AMTN: variants seen among roughly 807,000 people sequenced by gnomAD.
AMTN encodes the protein amelotin, also known as RSTI689.
AMTN carries 29 observed loss-of-function variants against 27.4 expected under a neutral mutation model. The observed-to-expected ratio is 1.06, with a 90% CI of 0.79 to 1.44. The LOEUF (loss-of-function observed/expected upper bound fraction) is 1.44, where lower values mean the gene tolerates loss of function less well. Among genes scored for constraint, AMTN ranks in the 40% most tolerant of loss-of-function variants. AMTN has a pLI of 0.00. For synonymous variants in AMTN, 86 were observed against 95.7 expected, an observed-to-expected ratio of 0.90 and a Z score of 0.59; for missense variants, 247 against 248.8, an observed-to-expected ratio of 0.99 and a Z score of 0.05.
At chr4:70,525,150 G>A (rs1264436588) in intron 5 of AMTN, among the ~76,000 whole-genome samples, 189 bp downstream of exon 5, 1 of 152,140 alleles carries the variant, frequency 6.6e-6, no homozygotes, top group African/African-American at 2.4e-5. Context: ...CATACCCAGA[G>A]AACTGACCAT....
chr4:70,518,726 A>T, intron 1 of AMTN, 37 bp from the exon 2 acceptor site: 1 of 1,396,142 alleles, frequency 7.2e-7, no homozygotes, highest in Non-Finnish European at 1.0e-6. Context: ...AAAGGAAAAA[A>T]AATACATGGA....
chr4:70,529,126 A>G (rs1736159893), intron 6 of AMTN, 58 bp from the exon 7 acceptor site: 2 of 1,383,096 alleles, frequency 1.4e-6, no homozygotes, highest in Non-Finnish European at 2.0e-6. Context: ...TTATACATAT[A>G]TTACTACAAA....
At chr4:70,524,002 G>T (rs1157706263) in intron 4 of AMTN, 69 bp downstream of exon 4, 3 of 1,338,508 alleles carry the variant, frequency 2.2e-6, no homozygotes, top group Non-Finnish European at 3.2e-6. Context: ...TTACAGTGGG[G>T]GGAGCATGTA....
Position 70,524,969 on chromosome 4 carries a change from G to A in AMTN, c.294+8G>A. The A allele has an allele frequency of 1.2e-6, 2 of 1,611,986 alleles. No individual in the cohort carries two copies. Among genetic ancestry groups the A allele is most frequent in the Non-Finnish European group, 1.7e-6 (2 of 1,178,246 alleles). On this transcript the variant is annotated splice_region_variant and intron_variant, in intron 5 of 8. Coordinates refer to ENST00000339336, the MANE Select transcript of AMTN (RefSeq NM_212557.4). The stretch of plus-strand genomic sequence containing the variant: ...CAGCAACTGCACCCACATGTAAGTT[G>A]AACAGCTGGACCTTAGTTTTAACAT...
chr4:70,524,900 G>C lies in AMTN; in HGVS notation c.233G>C (p.Gly78Ala). 6.2e-7 allele frequency: 1 copy of C among 1,613,948 alleles called. No individual in the cohort carries two copies. The highest frequency in any genetic ancestry group is 8.5e-7 in the Non-Finnish European group (1 of 1,179,950). Reference protein sequence around the residue: ...LLNPAAGMTPGTQTHPLTLGG... With the variant: ...LLNPAAGMTPATQTHPLTLGG... Reference sequence around the variant, plus strand: ...AATCCTGCTGCAGGAATGACACCTGGTACCCAGACCCACCCATTGACCCTG... The same window carrying C: ...AATCCTGCTGCAGGAATGACACCTGCTACCCAGACCCACCCATTGACCCTG... The change falls in exon 5 of 9, where the codon GGT becomes GCT. Residue 78 changes from glycine to alanine, a missense_variant. Transcript: ENST00000339336.
chr4:70,524,748 C>T (rs1027983072), intron 4 of AMTN, 124 bp from the exon 5 acceptor site: 17 of 848,124 alleles, frequency 2.0e-5, no homozygotes, highest in Non-Finnish European at 3.1e-5. Flanking sequence ...TGCAATAGAA[C>T]ACTATGTATT....
intron 2 of AMTN, among the ~76,000 whole-genome samples, chr4:70,519,728 C>G (rs1482768485): frequency 6.7e-6 from 1 of 149,932 alleles, no homozygotes; most frequent in Non-Finnish European, 1.5e-5. Flanking sequence ...TTTATTTTTA[C>G]CAATGTCACT....
chr4:70,530,889 G>A (rs1179428963), intron 7 of AMTN, 150 bp from the exon 8 acceptor site: 18 of 1,033,874 alleles, frequency 1.7e-5, no homozygotes, highest in Middle Eastern at 2.9e-4. Context: ...GACCAAGGGT[G>A]TATTTCCCCT....
At chr4:70,529,503 C>G (rs557104311) in intron 7 of AMTN, among the ~76,000 whole-genome samples, 1 of 152,216 alleles carries the variant, frequency 6.6e-6, no homozygotes, top group South Asian at 2.1e-4. Context: ...GGATTTCAGT[C>G]TAGGATTATA....
intron 7 of AMTN, among the ~76,000 whole-genome samples, chr4:70,529,877 A>C (rs1203235835): frequency 6.6e-6 from 1 of 152,230 alleles, no homozygotes; most frequent in Admixed American, 6.5e-5. Context: ...TATATTGTCC[A>C]TAAATAATCA....
At chr4:70,529,264 T>C in intron 7 of AMTN, 54 bp downstream of exon 7, 1 of 1,363,148 alleles carries the variant, frequency 7.3e-7, no homozygotes, top group Non-Finnish European at 9.9e-7. Context: ...TCACAATGTT[T>C]TCTGTCCTCA....
chr4:70,524,630 T>C (rs181017068), intron 4 of AMTN, among the ~76,000 whole-genome samples: 1 of 148,606 alleles, frequency 6.7e-6, no homozygotes, highest in Non-Finnish European at 1.5e-5. Flanking sequence ...ACAGAATAGG[T>C]TAAATGCCAA....
chr4:70,520,932 G>A (rs937249629), intron 2 of AMTN, among the ~76,000 whole-genome samples: 1 of 152,132 alleles, frequency 6.6e-6, no homozygotes, highest in African/African-American at 2.4e-5. Flanking sequence ...TTCTGAAGCA[G>A]GAATGGACTT....
At position 70,518,772 on chromosome 4, in the gene AMTN, T is replaced by G; in HGVS notation, c.-6T>G. 6.3e-7 allele frequency: 1 copy of G among 1,597,446 alleles called. No individual in the cohort carries two copies. Among genetic ancestry groups the G allele is most frequent in the Non-Finnish European group, 8.6e-7 (1 of 1,167,216 alleles). On this transcript the variant is annotated 5_prime_UTR_variant, in exon 2 of 9. Coordinates refer to ENST00000339336, the MANE Select transcript of AMTN (RefSeq NM_212557.4). ...TTTTTTGTTGTTGTAGGTAGCAATCTGAAACATGAGGAGTACGATTCTACT... is the reference window on the plus strand; with the variant it reads ...TTTTTTGTTGTTGTAGGTAGCAATCGGAAACATGAGGAGTACGATTCTACT...
At chr4:70,531,845 G>A (rs1736233334) in intron 8 of AMTN, among the ~76,000 whole-genome samples, 1 of 151,874 alleles carries the variant, frequency 6.6e-6, no homozygotes, top group Non-Finnish European at 1.5e-5. Flanking sequence ...TTGTAAAAAC[G>A]GGGTTTTGCC....
rs1233357512 is a variant in AMTN at position 70,521,649 on chromosome 4, T to C, written c.55-1106T>C. On this transcript the variant is annotated intron_variant, in intron 2 of 8. Coordinates refer to ENST00000339336, the MANE Select transcript of AMTN (RefSeq NM_212557.4). The stretch of plus-strand genomic sequence containing the variant: ...GATAATACCAACCTCTCTTTTTTTT[T>C]TTTTTTTTTTTTTTTTTTTTTTTTT... Among the ~76,000 whole-genome samples, 79 of 44,310 alleles carry C rather than the reference T, an allele frequency of 1.8e-3. 2 individuals are homozygous for C. In the South Asian group the frequency reaches 0.024, roughly 14 times the overall value. The allele number at this position is 44,310 out of a possible 152,430, so 29.1% of individuals were successfully genotyped here.
chr4:70,531,992 A>C (rs568320178), intron 8 of AMTN, among the ~76,000 whole-genome samples: 15 of 152,318 alleles, frequency 9.8e-5, no homozygotes, highest in African/African-American at 3.6e-4. Context: ...CACATGTTCC[A>C]TTTTGGGTCA....
chr4:70,532,098 C>A (rs1199308194), intron 8 of AMTN, among the ~76,000 whole-genome samples: 1 of 152,192 alleles, frequency 6.6e-6, no homozygotes. Flanking sequence ...TTCATCATGA[C>A]CCTGTCTCCA....
chr4:70,521,252 C>T (rs1435765083), intron 2 of AMTN, among the ~76,000 whole-genome samples: 1 of 151,764 alleles, frequency 6.6e-6, no homozygotes, highest in Non-Finnish European at 1.5e-5. Context: ...TGGTGGTGTG[C>T]ACCGGTAATC....
Sources: gnomAD v4.1 joint callset for allele counts (sites outside exome capture counted in the v4.1 genomes callset) on GRCh38, gnomAD v4.1.1 for gene constraint, MANE v1.5 for transcripts, NCBI Gene and HGNC (gene_info 2026-07-23, HGNC 2026-07-21) for gene names.